Variants in METTL14 observed in about 807,000 individuals in gnomAD.
The protein encoded by METTL14 is N(6)-adenosine-methyltransferase non-catalytic subunit METTL14.
In METTL14, 32 loss-of-function variants were observed where a neutral mutation model predicts 62.4. The observed-to-expected ratio is 0.51, with a 90% CI of 0.39 to 0.69. The LOEUF is 0.69. Among genes scored for constraint, METTL14 ranks in the 30% least tolerant of loss-of-function variants. METTL14 has a pLI of 0.00. For missense variants in METTL14, 340 were observed against 551.9 expected, an observed-to-expected ratio of 0.62 and a Z score of 3.85; for synonymous variants, 150 against 180.0, an observed-to-expected ratio of 0.83 and a Z score of 1.34.
At chr4:118,694,204 G>A (rs1724337968) in intron 5 of METTL14, among the ~76,000 whole-genome samples, 1 of 150,882 alleles carries the variant, frequency 6.6e-6, no homozygotes, top group Non-Finnish European at 1.5e-5. Context: ...GATATTAAGT[G>A]GCTTATTGAC....
intron 9 of METTL14, 32 bp downstream of exon 9, chr4:118,704,083 T>A: frequency 7.5e-7 from 1 of 1,326,470 alleles, no homozygotes; most frequent in Non-Finnish European, 1.1e-6. Flanking sequence ...TTTTTTTAAT[T>A]TTTGTGATTT....
chr4:118,687,211 C>T (rs1253566673), intron 1 of METTL14, among the ~76,000 whole-genome samples: 1 of 152,098 alleles, frequency 6.6e-6, no homozygotes, highest in African/African-American at 2.4e-5. Flanking sequence ...AGATTTTTTT[C>T]AGGATTTGGA....
In METTL14 at chr4:118,710,325, T is replaced by G; in HGVS notation, c.*23T>G. 6.3e-7 allele frequency: 1 copy of G among 1,586,112 alleles called. No homozygotes were observed. Among genetic ancestry groups the G allele is most frequent in the Non-Finnish European group, 8.6e-7 (1 of 1,167,402 alleles). On this transcript the variant is annotated 3_prime_UTR_variant, in exon 11 of 11. Coordinates refer to ENST00000388822, the MANE Select transcript of METTL14 (RefSeq NM_020961.4). Reference sequence around the variant, plus strand: ...TAATTGTTGAAGACATTGAACCTATTCATCCTCCTCTAACCTTCTTTATTG... The same window carrying G: ...TAATTGTTGAAGACATTGAACCTATGCATCCTCCTCTAACCTTCTTTATTG...
At chr4:118,688,408 C>A (rs1225228532) in intron 2 of METTL14, among the ~76,000 whole-genome samples, 1 of 147,956 alleles carries the variant, frequency 6.8e-6, no homozygotes, top group Admixed American at 6.8e-5. Flanking sequence ...TGCCACTGCA[C>A]TGCAGCCTGG....
At chr4:118,688,145 C>A in intron 2 of METTL14, 134 bp downstream of exon 2, 1 of 677,694 alleles carries the variant, frequency 1.5e-6, no homozygotes, top group Non-Finnish European at 2.5e-6. Context: ...AGTGGTACAC[C>A]TGCCTTGGCC....
At chr4:118,702,938 T>TTTTTTATTA (rs1553981926) in intron 8 of METTL14, among the ~76,000 whole-genome samples, 4 of 135,160 alleles carry the variant, frequency 3.0e-5, no homozygotes, top group African/African-American at 1.1e-4. Flanking sequence ...GTTGGAAGGT[T>TTTTTTATTA]TTATTATTAT....
intron 2 of METTL14, 101 bp downstream of exon 2, chr4:118,688,112 T>G: frequency 1.1e-6 from 1 of 927,564 alleles, no homozygotes; most frequent in Non-Finnish European, 1.6e-6. Flanking sequence ...TATGGCTCAC[T>G]GCAGCCTTGA....
intron 6 of METTL14, among the ~76,000 whole-genome samples, chr4:118,696,336 G>A (rs1265588206): frequency 6.6e-6 from 1 of 151,490 alleles, no homozygotes; most frequent in Non-Finnish European, 1.5e-5. Flanking sequence ...TCAAACTCCT[G>A]GGGTCAATTG....
chr4:118,689,503 C>A, intron 3 of METTL14, 46 bp downstream of exon 3: 2 of 1,089,332 alleles, frequency 1.8e-6, no homozygotes, highest in Non-Finnish European at 2.7e-6. Flanking sequence ...AAACATAAAT[C>A]CAAATGATAG....
chr4:118,710,396 G>C lies in METTL14; in HGVS notation c.*94G>C. 3.2e-6 allele frequency: 4 copies of C among 1,262,948 alleles called. No homozygotes were observed. Among genetic ancestry groups the C allele is most frequent in the Non-Finnish European group, 4.3e-6 (4 of 926,372 alleles). 78.2% of individuals were successfully genotyped at this position (1,262,948 alleles called of 1,614,324 possible). On this transcript the variant is annotated 3_prime_UTR_variant, in exon 11 of 11. Coordinates refer to ENST00000388822, the MANE Select transcript of METTL14 (RefSeq NM_020961.4). ...GACTTAACTTTAGAACTCACTTCCA[G>C]CTTGCACTTTGCTTTAATTTCTCTG...
chr4:118,699,821 G>A (rs1287578943), intron 7 of METTL14, among the ~76,000 whole-genome samples: 9 of 152,138 alleles, frequency 5.9e-5, no homozygotes, highest in Admixed American at 3.3e-4. Context: ...TGGCCCCAGA[G>A]CCCTAAGTTC....
intron 9 of METTL14, among the ~76,000 whole-genome samples, chr4:118,704,651 G>A (rs55712195): frequency 0.04 from 6,021 of 152,154 alleles, 392 homozygotes; most frequent in African/African-American, 0.14. Flanking sequence ...TTTCTGGGAC[G>A]GTGGTCTGCT....
chr4:118,685,751 T>A, intron 1 of METTL14, 151 bp downstream of exon 1: 1 of 710,524 alleles, frequency 1.4e-6, no homozygotes, highest in Non-Finnish European at 2.4e-6. Context: ...GGTTCTGCCT[T>A]TGTAGTTCTC....
chr4:118,699,031 A>G (rs1380880453), intron 7 of METTL14, among the ~76,000 whole-genome samples: 1 of 152,198 alleles, frequency 6.6e-6, no homozygotes, highest in Non-Finnish European at 1.5e-5. Context: ...CCAGGAGAGT[A>G]TGAATGTAAT....
At chr4:118,695,407 G>A (rs62328063) in intron 6 of METTL14, among the ~76,000 whole-genome samples, 6,740 of 151,994 alleles carry the variant, frequency 0.044, 224 homozygotes, top group Non-Finnish European at 0.064. Context: ...AAATTAGCTG[G>A]GCATGGTGGT....
chr4:118,693,311 G>A (rs1433204069), intron 5 of METTL14, among the ~76,000 whole-genome samples: 2 of 152,036 alleles, frequency 1.3e-5, no homozygotes, highest in Admixed American at 6.6e-5. Flanking sequence ...CTAATACTTT[G>A]TGTATTTTTA....
Position 118,714,241 on chromosome 4 carries a change from A to G in METTL14, c.*3939A>G, listed in dbSNP as rs1266185183. ...TTCACTCATTTACTTTCATCCATCT[A>G]TCTGTGCTTTTTCTCACTTTGATGA... On this transcript the variant is annotated 3_prime_UTR_variant, in exon 11 of 11. Coordinates refer to ENST00000388822, the MANE Select transcript of METTL14 (RefSeq NM_020961.4). 6.6e-6 allele frequency: 1 copy of G among 152,198 alleles called. No individual in the cohort carries two copies. The highest frequency in any genetic ancestry group is 1.5e-5 in the Non-Finnish European group (1 of 68,036). The allele number at this position is 152,198 out of a possible 1,614,324, so 9.4% of individuals were successfully genotyped here. A position where few individuals can be genotyped will look rare whatever the true frequency, so the allele number is the denominator to read the frequency against.
At position 118,713,244 on chromosome 4, in the gene METTL14, G is replaced by A. The variant is rs776751951; in HGVS notation, c.*2942G>A. On this transcript the variant is annotated 3_prime_UTR_variant, in exon 11 of 11. Coordinates refer to ENST00000388822, the MANE Select transcript of METTL14 (RefSeq NM_020961.4). ...TCCCTTATTCTGAGGCCAGGTCAGT[G>A]ATATGCTATAGTTTCATTTAAGTTA... is the stretch of plus-strand genomic sequence containing the variant. The A allele has an allele frequency of 6.6e-6, 1 of 152,202 alleles. No homozygotes were observed. Among genetic ancestry groups the A allele is most frequent in the Non-Finnish European group, 1.5e-5 (1 of 68,044 alleles). The allele number at this position is 152,202 out of a possible 1,614,324, so 9.4% of individuals were successfully genotyped here. A position where few individuals can be genotyped will look rare whatever the true frequency, so the allele number is the denominator to read the frequency against.
chr4:118,692,694 A>G (rs1724287642), intron 5 of METTL14, among the ~76,000 whole-genome samples: 1 of 141,932 alleles, frequency 7.0e-6, no homozygotes, highest in South Asian at 2.3e-4. Flanking sequence ...TACATACTGT[A>G]CAATTCACTC....
Sources: gnomAD v4.1 joint callset for allele counts (sites outside exome capture counted in the v4.1 genomes callset) on GRCh38, gnomAD v4.1.1 for gene constraint, MANE v1.5 for transcripts, NCBI Gene and HGNC (gene_info 2026-07-23, HGNC 2026-07-21) for gene names.